The following PTCH1 variants were observed in gnomAD, a reference collection of about 807,000 sequenced individuals.
The protein encoded by PTCH1 is patched 1, also known as protein patched homolog 1.
A neutral mutation model predicts 144.6 loss-of-function variants in PTCH1; 14 were observed. That is an observed-to-expected ratio of 0.10 (90% CI 0.06 to 0.15). The LOEUF (loss-of-function observed/expected upper bound fraction) is 0.15. Ranked by LOEUF, PTCH1 falls within the 10% of genes least tolerant of loss-of-function variation. The pLI is 1.00. For missense variants in PTCH1, 1,623 were observed against 1,948.3 expected (o/e 0.83, Z 3.14); for synonymous variants, 833 against 793.6 (o/e 1.05, Z -0.83).
rs774712511 is a variant in PTCH1 at position 95,508,288 on chromosome 9, C to T, written c.74G>A (p.Gly25Glu). 30 of 1,535,180 alleles carry T rather than the reference C, an allele frequency of 2.0e-5. No individual in the cohort carries two copies. Among genetic ancestry groups the T allele is most frequent in the Non-Finnish European group, 2.3e-5 (26 of 1,144,070 alleles). ...GCGCCTCCCGCCTCCAGCCGGCCGTCCCGGGGCACCGATACAGCCGCTGCC... is the reference window on the plus strand; with the variant it reads ...GCGCCTCCCGCCTCCAGCCGGCCGTTCCGGGGCACCGATACAGCCGCTGCC... ...GGGSGCIGAP[G>E]RPAGGGRRRR... The change falls in exon 1 of 24, where the codon GGA becomes GAA. Residue 25 changes from glycine to glutamate, a missense_variant. Around this residue, in one of 7 missense-constraint regions of PTCH1, gnomAD observed 245 missense variants for 240.6 expected, o/e 1.02. Coordinates refer to ENST00000331920, the MANE Select transcript of PTCH1 (RefSeq NM_000264.5).
chr9:95,507,190 G>A lies in PTCH1; in HGVS notation c.202-591C>T, dbSNP rs1843746575. On this transcript the variant is annotated intron_variant, in intron 1 of 23. Coordinates refer to ENST00000331920, the MANE Select transcript of PTCH1 (RefSeq NM_000264.5). Reference sequence around the variant, plus strand: ...TCCATAGCGTGGGGAGAGGCTGTGTGAGCTGAATTAGGAAGTGGGGCAGCC... The same window carrying A: ...TCCATAGCGTGGGGAGAGGCTGTGTAAGCTGAATTAGGAAGTGGGGCAGCC... 3.0e-6 allele frequency: 3 copies of A among 985,618 alleles called. No individual in the cohort carries two copies. The South Asian group carries it at 1.4e-4, about 46-fold the overall frequency. 61.1% of individuals were successfully genotyped at this position (985,618 alleles called of 1,614,324 possible).
chr9:95,469,226 ACT>A, intron 13 of PTCH1, 73 bp from the exon 14 acceptor site: 1 of 1,588,196 alleles, frequency 6.3e-7, no homozygotes, highest in African/African-American at 1.3e-5. Context: ...GCCATTTTTC[ACT>A]GTGTACGGAG....
Position 95,459,796 on chromosome 9 carries a change from G to A in PTCH1, c.2704-13C>T, listed in dbSNP as rs1447832961. 2.5e-6 allele frequency: 4 copies of A among 1,613,626 alleles called. No homozygotes were observed. The highest frequency in any genetic ancestry group is 3.4e-6 in the Non-Finnish European group (4 of 1,180,016). ...GCTGTTTAGTCAACTACAAAAACGG[G>A]AAGAACAGAGGCCTTTGAGAATGGG... On this transcript the variant is annotated splice_polypyrimidine_tract_variant and intron_variant, in intron 16 of 23. Transcript: ENST00000331920.
At chr9:95,494,223 C>G in intron 2 of PTCH1, 1 of 985,644 alleles carries the variant, frequency 1.0e-6, no homozygotes, top group Non-Finnish European at 1.2e-6. Flanking sequence ...TCAGCCTTGC[C>G]CAGGCTGCTC....
At position 95,449,307 on chromosome 9, in the gene PTCH1, C is replaced by T. The variant is rs1182133257; in HGVS notation, c.3566G>A (p.Gly1189Asp). Reference sequence around the variant, plus strand: ...GGAGGGTGTGGGCAGGCGGTTCAAGCCGTTGGCTGGAGACACCTATTTAAG... The same window carrying T: ...GGAGGGTGTGGGCAGGCGGTTCAAGTCGTTGGCTGGAGACACCTATTTAAG... Reference protein sequence around the residue: ...GPYPEVSPANGLNRLPTPSPE... With the variant: ...GPYPEVSPANDLNRLPTPSPE... The change falls in exon 22 of 24, where the codon GGC (glycine) becomes GAC (aspartate). Residue 1189 changes from glycine to aspartate, a missense_variant. Physicochemically the swap from Gly to Asp is moderately conservative, Grantham distance 94. Transcript: ENST00000331920. The surrounding 1 kb of genome is among the most constrained non-coding windows in gnomAD (Gnocchi z 5.3). 3 of 1,552,622 alleles carry T rather than the reference C, an allele frequency of 1.9e-6. No homozygotes were observed. Among genetic ancestry groups the T allele is most frequent in the Non-Finnish European group, 1.7e-6 (2 of 1,149,468 alleles).
intron 1 of PTCH1, 134 bp downstream of exon 1, chr9:95,508,027 G>A (rs1265880130): frequency 2.6e-6 from 4 of 1,524,818 alleles, no homozygotes; most frequent in Admixed American, 4.0e-5. Context: ...TGCTTTTCCT[G>A]GAGAGGTGTG....
intron 16 of PTCH1, among the ~76,000 whole-genome samples, 193 bp downstream of exon 16, chr9:95,461,663 T>C (rs560073009): frequency 2.6e-5 from 4 of 152,340 alleles, no homozygotes; most frequent in African/African-American, 7.2e-5. Flanking sequence ...TGAGGTGCAC[T>C]GGCTGGCCTG....
Position 95,476,013 on chromosome 9 carries a change from C to T in PTCH1, c.1728+21G>A, listed in dbSNP as rs970367010. 1 of 1,613,042 alleles carries T rather than the reference C, an allele frequency of 6.2e-7. No individual in the cohort carries two copies. Among genetic ancestry groups the T allele is most frequent in the African/African-American group, 1.3e-5 (1 of 75,034 alleles). ...AGTGCCCCGTTCAGGATCACCACAG[C>T]CTTCATCACCAGAAGCTCACCTGGA... is the stretch of plus-strand genomic sequence containing the variant. On this transcript the variant is annotated intron_variant, in intron 12 of 23. Transcript: ENST00000331920. The surrounding 1 kb of genome is among the most constrained non-coding windows in gnomAD (Gnocchi z 4.6).
At position 95,449,220 on chromosome 9, in the gene PTCH1, G is replaced by C. The variant is rs1167693193; in HGVS notation, c.3653C>G (p.Ser1218Cys). The change falls in exon 22 of 24, where the codon TCT becomes TGT. Residue 1218 changes from serine (S) to cysteine (C), a missense_variant. Transcript: ENST00000331920. This position sits in a 1 kb window ranked among gnomAD's most constrained non-coding sequence, Gnocchi z 5.3. Reference sequence around the variant, plus strand: ...ACTATACTCCGAGTCGGAGGAATCAGACCCGCTGTGCGTGTGGCCGGGCGG... The same window carrying C: ...ACTATACTCCGAGTCGGAGGAATCACACCCGCTGTGCGTGTGGCCGGGCGG... ...AMPPGHTHSG[S>C]DSSDSEYSSQ... 6.3e-7 allele frequency: 1 copy of C among 1,597,606 alleles called. No individual in the cohort carries two copies. The highest frequency in any genetic ancestry group is 8.5e-7 in the Non-Finnish European group (1 of 1,172,118).
At chr9:95,494,073 C>A (rs907145821) in intron 2 of PTCH1, among the ~76,000 whole-genome samples, 33 of 152,112 alleles carry the variant, frequency 2.2e-4, no homozygotes, top group African/African-American at 7.3e-4. Flanking sequence ...CACCTGCCCA[C>A]GGAACCGCAC....
At chr9:95,479,267 G>T in intron 7 of PTCH1, 120 bp from the exon 8 acceptor site, 1 of 1,286,526 alleles carries the variant, frequency 7.8e-7, no homozygotes, top group Non-Finnish European at 1.1e-6. Flanking sequence ...TTCTCTGTGA[G>T]CACATGTTTC....
rs776817244 is a variant in PTCH1 at position 95,468,763 on chromosome 9, T to A, written c.2238A>T (p.Lys746Asn). The A allele has an allele frequency of 8.7e-6, 14 of 1,614,008 alleles. No homozygotes were observed. In the South Asian group the frequency reaches 1.5e-4, roughly 18 times the overall value. The change falls in exon 14 of 24, where the codon AAA becomes AAT. Residue 746 changes from lysine to asparagine, a missense_variant. Lys to Asn is a moderately conservative substitution (Grantham distance 94, BLOSUM62 0). Around this residue, in one of 7 missense-constraint regions of PTCH1, gnomAD observed 504 missense variants for 679.3 expected, o/e 0.74. Coordinates refer to ENST00000331920, the MANE Select transcript of PTCH1 (RefSeq NM_000264.5). Reference protein sequence around the residue: ...AEKHYAPFLLKPKAKVVVIFL... With the variant: ...AEKHYAPFLLNPKAKVVVIFL... ...TGTGGCAGATTACCTTGGCTTTTGG[T>A]TTCAAGAGGAAAGGAGCATAGTGCT...
intron 2 of PTCH1, among the ~76,000 whole-genome samples, chr9:95,492,758 G>A (rs1842509040): frequency 1.3e-5 from 2 of 151,674 alleles, no homozygotes; most frequent in East Asian, 1.9e-4. Flanking sequence ...ACAATAATCC[G>A]TATTTTTATT....
rs779941873 is a variant in PTCH1, at chr9:95,449,112, A to T, written c.3761T>A (p.Val1254Glu). 6.2e-7 allele frequency: 1 copy of T among 1,614,196 alleles called. No individual in the cohort carries two copies. The highest frequency in any genetic ancestry group is 2.2e-5 in the East Asian group (1 of 44,870). Residue 1254 changes from valine to glutamate, a missense_variant, in exon 22 of 24, where the codon GTG becomes GAG. This residue lies in a region of PTCH1 where 291 missense variants were observed against 287.4 expected (regional missense o/e 1.01). Transcript: ENST00000331920. This position sits in a 1 kb window ranked among gnomAD's most constrained non-coding sequence, Gnocchi z 5.3. ...GGGGTTTTCTGTGGCTTCCACGATC[A>T]CTTGGTGGGCAGGGCCTCCCGCGCC... Reference protein sequence around the residue: ...QQGAGGPAHQVIVEATENPVF... With the variant: ...QQGAGGPAHQEIVEATENPVF...
At chr9:95,514,434 T>C (rs1844277133) in intron 1 of PTCH1, 1 of 152,228 alleles carries the variant, frequency 6.6e-6, no homozygotes, top group Admixed American at 6.5e-5. Context: ...CTGAGCAACA[T>C]GATCCCTTTG....
rs138107627 is a variant in PTCH1 at position 95,467,288 on chromosome 9, T to C, written c.2388A>G (p.Lys796=). ...REYDFIAAQF[K]YFSFYNMYIV... ...TATACATGTTGTAGAAAGAAAAGTA[T>C]TTGAATTGTGCAGCAATAAAGTCAT... Residue 796 remains lysine (K), a synonymous_variant, in exon 15 of 24, where the codon AAA becomes AAG. Transcript: ENST00000331920. The C allele has an allele frequency of 1.2e-6, 2 of 1,614,232 alleles. No individual in the cohort carries two copies. The highest frequency in any genetic ancestry group is 1.7e-6 in the Non-Finnish European group (2 of 1,180,034).
rs575035810 is a variant in PTCH1, at chr9:95,476,120, C to T, written c.1642G>A (p.Val548Met). 11 of 1,613,664 alleles carry T rather than the reference C, an allele frequency of 6.8e-6. 1 individual carries two copies. The highest frequency in any genetic ancestry group is 2.2e-5 in the South Asian group (2 of 90,948). ...ACATTGCTGATGGACGTGAGGGCCA[C>T]GCTGGCTCCTGTGCGCTTCAGGCAC... ...GECLKRTGAS[V>M]ALTSISNVTA... The change falls in exon 12 of 24, where the codon GTG becomes ATG. Residue 548 changes from valine to methionine, a missense_variant. Physicochemically the swap from Val to Met is conservative, Grantham distance 21. Around this residue, in one of 7 missense-constraint regions of PTCH1, gnomAD observed 135 missense variants for 228.7 expected, o/e 0.59. Transcript: ENST00000331920. This position sits in a 1 kb window ranked among gnomAD's most constrained non-coding sequence, Gnocchi z 4.6.
intron 2 of PTCH1, among the ~76,000 whole-genome samples, chr9:95,504,169 A>G (rs772733939): frequency 5.9e-5 from 9 of 152,076 alleles, no homozygotes; most frequent in Non-Finnish European, 1.0e-4. Context: ...TACTGAGTAA[A>G]TAACATTTGG....
chr9:95,507,825 G>C (rs1447309804), intron 1 of PTCH1: 3 of 832,010 alleles, frequency 3.6e-6, no homozygotes, highest in Non-Finnish European at 4.9e-6. Context: ...GCAGGACAGT[G>C]CCGCGGCCGC....
Sources: gnomAD v4.1 joint callset for allele counts (sites outside exome capture counted in the v4.1 genomes callset) on GRCh38, gnomAD v4.1.1 for gene constraint, gnomAD v4.1.1 regional missense constraint, Gnocchi (gnomAD v3.1) non-coding constraint, MANE v1.5 for transcripts, NCBI Gene and HGNC (gene_info 2026-07-23, HGNC 2026-07-21) for gene names.